Variants in USH2A observed in about 807,000 individuals in gnomAD.
The protein encoded by USH2A is usherin.
USH2A carries 443 observed loss-of-function variants against 538.9 expected under a neutral mutation model. The observed-to-expected ratio is 0.82, with a 90% CI of 0.76 to 0.89. USH2A has a LOEUF of 0.89. Ranked by LOEUF, USH2A falls within the 40% of genes least tolerant of loss-of-function variation. The probability of loss-of-function intolerance (pLI) is 0.00; values close to 1 mark genes in which losing one functional copy is unlikely to be tolerated. For synonymous variants in USH2A, 2,413 were observed against 2,273.5 expected, an observed-to-expected ratio of 1.06 and a Z score of -1.75; for missense variants, 6,633 against 6,324.8, an observed-to-expected ratio of 1.05 and a Z score of -1.65.
chr1:215,691,328 C>T (rs946561073), intron 61 of USH2A, among the ~76,000 whole-genome samples: 1 of 152,184 alleles, frequency 6.6e-6, no homozygotes, highest in Admixed American at 6.5e-5. Context: ...TTTCTGCCCA[C>T]CCTTCCACTT....
At chr1:215,683,343 A>G (rs1444275140) in intron 61 of USH2A, among the ~76,000 whole-genome samples, 1 of 152,212 alleles carries the variant, frequency 6.6e-6, no homozygotes, top group Non-Finnish European at 1.5e-5. Context: ...AGCTATATTA[A>G]AAAATGAAGA....
chr1:216,243,626 C>T (rs1331082229), intron 13 of USH2A, among the ~76,000 whole-genome samples: 2 of 152,070 alleles, frequency 1.3e-5, no homozygotes, highest in Non-Finnish European at 2.9e-5. Context: ...ATCTGCTTAC[C>T]CCTGGCTAGA....
intron 38 of USH2A, among the ~76,000 whole-genome samples, chr1:215,920,993 G>T (rs570897629): frequency 1.9e-4 from 29 of 152,060 alleles, no homozygotes; most frequent in Non-Finnish European, 3.4e-4. Flanking sequence ...TGACTAGAGT[G>T]TTTTTTCAAC....
chr1:216,123,881 C>G (rs1194412128), intron 21 of USH2A, among the ~76,000 whole-genome samples: 1 of 152,034 alleles, frequency 6.6e-6, no homozygotes, highest in Non-Finnish European at 1.5e-5. Context: ...CTGAATAGAA[C>G]CTAGTCATAC....
chr1:215,918,560 T>C (rs1287162670), intron 38 of USH2A, among the ~76,000 whole-genome samples: 1 of 152,110 alleles, frequency 6.6e-6, no homozygotes, highest in Non-Finnish European at 1.5e-5. Context: ...TTCTGTTGCT[T>C]GTAAGGCACC....
intron 19 of USH2A, among the ~76,000 whole-genome samples, chr1:216,194,407 C>A (rs1175192391): frequency 2.0e-5 from 3 of 151,978 alleles, no homozygotes; most frequent in Admixed American, 6.6e-5. Context: ...TCTTGCTGGT[C>A]GCCATCAATG....
intron 32 of USH2A, among the ~76,000 whole-genome samples, chr1:216,045,745 C>T (rs1306774654): frequency 6.6e-6 from 1 of 152,092 alleles, no homozygotes. Context: ...CATTTCCAGG[C>T]CTCCTCTGCA....
intron 15 of USH2A, among the ~76,000 whole-genome samples, chr1:216,210,555 C>A (rs180933647): frequency 9.9e-5 from 15 of 152,114 alleles, no homozygotes; most frequent in Non-Finnish European, 2.1e-4. Flanking sequence ...CCCCATGTTA[C>A]CCTTCCTGTA....
At chr1:216,298,724 G>A (rs2037153922) in intron 9 of USH2A, among the ~76,000 whole-genome samples, 2 of 152,174 alleles carry the variant, frequency 1.3e-5, no homozygotes, top group African/African-American at 4.8e-5. Flanking sequence ...GGAATTTGTA[G>A]AAAGGGCCAG....
chr1:215,703,022 A>T (rs953015982), intron 61 of USH2A, among the ~76,000 whole-genome samples: 3 of 151,904 alleles, frequency 2.0e-5, no homozygotes, highest in Non-Finnish European at 4.4e-5. Context: ...GTTGATGTTG[A>T]TGCTATTGCT....
At chr1:215,712,499 T>A (rs538692686) in intron 61 of USH2A, among the ~76,000 whole-genome samples, 15 of 152,232 alleles carry the variant, frequency 9.9e-5, no homozygotes, top group Admixed American at 9.8e-4. Context: ...TGGGCTGTGA[T>A]TCATTGTCCA....
intron 24 of USH2A, among the ~76,000 whole-genome samples, chr1:216,085,930 C>A (rs1444461229): frequency 6.6e-6 from 1 of 152,052 alleles, no homozygotes; most frequent in Non-Finnish European, 1.5e-5. Context: ...GACTGCAACC[C>A]ATGAACAAAT....
intron 11 of USH2A, among the ~76,000 whole-genome samples, chr1:216,251,881 T>C (rs1361912614): frequency 6.6e-6 from 1 of 152,212 alleles, no homozygotes; most frequent in East Asian, 1.9e-4. Flanking sequence ...ATGTTTAATG[T>C]TATTTGTTAA....
At chr1:216,084,958 CA>C in intron 24 of USH2A, 81 bp from the exon 25 acceptor site, 1 of 1,433,140 alleles carries the variant, frequency 7.0e-7, no homozygotes, top group Non-Finnish European at 9.7e-7. Flanking sequence ...CCATTAAAGT[CA>C]AAGAAATAGG....
chr1:215,639,088 C>T (rs1656592121), intron 69 of USH2A, 67 bp downstream of exon 69: 1 of 1,455,162 alleles, frequency 6.9e-7, no homozygotes, highest in South Asian at 1.1e-5. Flanking sequence ...TATGTATAAA[C>T]AAACATATGT....
intron 50 of USH2A, among the ~76,000 whole-genome samples, chr1:215,797,572 G>A (rs897471708): frequency 1.3e-5 from 2 of 151,998 alleles, no homozygotes; most frequent in African/African-American, 4.8e-5. Flanking sequence ...AAAAACTCTA[G>A]GGCCCTTAAT....
At chr1:216,063,796 T>C (rs2102540134) in intron 30 of USH2A, among the ~76,000 whole-genome samples, 1 of 152,272 alleles carries the variant, frequency 6.6e-6, no homozygotes, top group Admixed American at 6.5e-5. Flanking sequence ...TGAAATGATA[T>C]ACAACAAACC....
chr1:215,900,042 G>C, intron 40 of USH2A, 33 bp downstream of exon 40: 1 of 1,613,170 alleles, frequency 6.2e-7, no homozygotes, highest in Non-Finnish European at 8.5e-7. Context: ...CTATGTAGAA[G>C]ACATTTGGCT....
intron 21 of USH2A, chr1:216,173,933 T>C: frequency 1.0e-6 from 1 of 973,656 alleles, no homozygotes; most frequent in Non-Finnish European, 1.2e-6. Flanking sequence ...TTCCTTACCT[T>C]TTTTTTCTTT....
Sources: allele counts gnomAD v4.1 joint callset (sites outside exome capture counted in the v4.1 genomes callset), GRCh38; gene constraint gnomAD v4.1.1; transcripts MANE v1.5; gene names NCBI Gene and HGNC (gene_info 2026-07-23, HGNC 2026-07-21).